The following RBPMS variants were observed in gnomAD, a reference collection of about 807,000 sequenced individuals.
The protein encoded by RBPMS is RNA binding protein, mRNA processing factor.
A neutral mutation model predicts 26.8 loss-of-function variants in RBPMS; 7 were observed. That is an observed-to-expected ratio of 0.26 (90% confidence interval 0.15 to 0.49). RBPMS has a LOEUF of 0.49. Ranked by LOEUF, RBPMS falls within the 20% of genes least tolerant of loss-of-function variation. The probability of loss-of-function intolerance (pLI) is 0.98; values close to 1 mark genes in which losing one functional copy is unlikely to be tolerated. For synonymous variants in RBPMS, 96 were observed against 93.3 expected (o/e 1.03, Z -0.17); for missense variants, 186 against 250.0 (o/e 0.74, Z 1.73).
intron 5 of RBPMS, 36 bp from the exon 6 acceptor site, chr8:30,544,458 G>T (rs774150691): frequency 5.0e-6 from 8 of 1,601,224 alleles, no homozygotes; most frequent in Non-Finnish European, 6.0e-6. Context: ...TAGCTGTATG[G>T]TAACCACTAA....
intron 1 of RBPMS, among the ~76,000 whole-genome samples, chr8:30,450,787 C>A (rs1253146869): frequency 2.6e-3 from 227 of 87,346 alleles, no homozygotes; most frequent in African/African-American, 3.8e-3. Flanking sequence ...TGCCTGAAAG[C>A]AAAAAAAAAA....
chr8:30,482,724 A>G (rs1818405817), intron 4 of RBPMS, among the ~76,000 whole-genome samples: 1 of 152,210 alleles, frequency 6.6e-6, no homozygotes, highest in Non-Finnish European at 1.5e-5. Context: ...CTTTGGTCTC[A>G]TTAATCCACA....
intron 1 of RBPMS, among the ~76,000 whole-genome samples, chr8:30,386,883 A>G (rs772398813): frequency 5.9e-5 from 9 of 152,084 alleles, no homozygotes; most frequent in Non-Finnish European, 1.3e-4. Flanking sequence ...GGTAGGTAGC[A>G]AAAGAGGTTC....
intron 1 of RBPMS, among the ~76,000 whole-genome samples, chr8:30,443,036 C>G (rs1212198341): frequency 6.6e-6 from 1 of 152,168 alleles, no homozygotes; most frequent in Non-Finnish European, 1.5e-5. Flanking sequence ...GGCAGTGGAG[C>G]AATGAAAGCA....
At chr8:30,451,442 T>A (rs1291015817) in intron 1 of RBPMS, among the ~76,000 whole-genome samples, 1 of 152,178 alleles carries the variant, frequency 6.6e-6, no homozygotes, top group Non-Finnish European at 1.5e-5. Flanking sequence ...TTGATACAGG[T>A]CGTGTGAATG....
intron 1 of RBPMS, among the ~76,000 whole-genome samples, chr8:30,467,369 TG>T (rs963333427): frequency 1.3e-5 from 2 of 152,230 alleles, no homozygotes; most frequent in African/African-American, 2.4e-5. Context: ...ATTTACAAGC[TG>T]GGCCCTGATG....
chr8:30,468,975 G>A (rs1471469874), intron 1 of RBPMS, among the ~76,000 whole-genome samples: 1 of 152,170 alleles, frequency 6.6e-6, no homozygotes, highest in Non-Finnish European at 1.5e-5. Context: ...ATGAATTTAA[G>A]AGGAACCTCA....
chr8:30,519,657 T>C (rs1585743978), intron 5 of RBPMS, among the ~76,000 whole-genome samples: 1 of 151,844 alleles, frequency 6.6e-6, no homozygotes, highest in Admixed American at 6.6e-5. Context: ...CTAATATTTT[T>C]ATTTTTATTT....
At chr8:30,453,425 A>G (rs1300920183) in intron 1 of RBPMS, among the ~76,000 whole-genome samples, 1 of 152,172 alleles carries the variant, frequency 6.6e-6, no homozygotes, top group Non-Finnish European at 1.5e-5. Flanking sequence ...TGGTTTGTGG[A>G]TCTGCTTTTC....
intron 5 of RBPMS, among the ~76,000 whole-genome samples, chr8:30,526,527 G>A (rs942483492): frequency 1.6e-4 from 25 of 152,222 alleles, no homozygotes; most frequent in Non-Finnish European, 3.2e-4. Flanking sequence ...TTTTCTAACC[G>A]CAATTTTATT....
intron 7 of RBPMS, among the ~76,000 whole-genome samples, chr8:30,561,440 C>T (rs1165877576): frequency 6.6e-6 from 1 of 152,160 alleles, no homozygotes; most frequent in African/African-American, 2.4e-5. Flanking sequence ...TTGAGCTCTC[C>T]ATTGTCAGAG....
At position 30,525,363 on chromosome 8, in the gene RBPMS, T is replaced by TTCC. The variant is rs886652048; in HGVS notation, c.398-19121_398-19119dup. Among the ~76,000 whole-genome samples, 4 of 152,240 alleles carry TTCC rather than the reference T, an allele frequency of 2.6e-5. No individual in the cohort carries two copies. In the East Asian group the frequency reaches 7.7e-4, roughly 29 times the overall value. ...TCATTTTTCCACTTGACCCTTCTCC[T>TTCC]TCCTCCTCCTCCGCAATAAAAAGAA... On this transcript the variant is annotated intron_variant, in intron 5 of 8. Transcript: ENST00000397323.
chr8:30,474,448 C>CA (rs1817473782), intron 1 of RBPMS, among the ~76,000 whole-genome samples: 1 of 152,050 alleles, frequency 6.6e-6, no homozygotes, highest in South Asian at 2.1e-4. Flanking sequence ...TAGAAGTGTG[C>CA]AATGGCTAGT....
At chr8:30,502,549 C>T (rs1309077772) in intron 4 of RBPMS, among the ~76,000 whole-genome samples, 8 of 152,164 alleles carry the variant, frequency 5.3e-5, no homozygotes, top group Non-Finnish European at 7.3e-5. Context: ...CCGGGGAGGA[C>T]GTCCTGAAGT....
intron 4 of RBPMS, among the ~76,000 whole-genome samples, chr8:30,497,219 T>C (rs1820054041): frequency 6.6e-6 from 1 of 152,228 alleles, no homozygotes; most frequent in South Asian, 2.1e-4. Context: ...CCCCAGGATA[T>C]TTCCTTTTCT....
At chr8:30,467,269 C>T (rs1816611030) in intron 1 of RBPMS, among the ~76,000 whole-genome samples, 1 of 152,218 alleles carries the variant, frequency 6.6e-6, no homozygotes, top group African/African-American at 2.4e-5. Flanking sequence ...TTCAGTCTTG[C>T]AACTTGGTGT....
At chr8:30,519,701 G>C (rs942338974) in intron 5 of RBPMS, among the ~76,000 whole-genome samples, 16 of 152,002 alleles carry the variant, frequency 1.1e-4, no homozygotes, top group Middle Eastern at 3.4e-3. Context: ...GTTTAATAGA[G>C]AGACTATTGT....
intron 1 of RBPMS, among the ~76,000 whole-genome samples, chr8:30,459,515 C>T (rs1024055346): frequency 2.0e-5 from 3 of 152,134 alleles, no homozygotes; most frequent in Admixed American, 2.0e-4. Context: ...GACAGGTTCT[C>T]AATGGCAAGA....
chr8:30,472,463 ATAGAT>A (rs1472582988), intron 1 of RBPMS, among the ~76,000 whole-genome samples: 1 of 152,128 alleles, frequency 6.6e-6, no homozygotes, highest in African/African-American at 2.4e-5. Context: ...TTTGGTGGTG[ATAGAT>A]TGTCTTGGTT....
Sources: gnomAD v4.1 joint callset for allele counts (sites outside exome capture counted in the v4.1 genomes callset) on GRCh38, gnomAD v4.1.1 for gene constraint, MANE v1.5 for transcripts, NCBI Gene and HGNC (gene_info 2026-07-23, HGNC 2026-07-21) for gene names.